Variants in DAG1 observed in about 807,000 individuals in gnomAD.
DAG1 encodes dystroglycan 1 (dystrophin-associated glycoprotein 1).
A neutral mutation model predicts 46.1 loss-of-function variants in DAG1; 8 were observed. The observed-to-expected ratio is 0.17, with a 90% CI of 0.10 to 0.31. The LOEUF is 0.31. Ranked by LOEUF, DAG1 falls within the 10% of genes least tolerant of loss-of-function variation. The pLI is 1.00. For synonymous variants in DAG1, 495 were observed against 481.8 expected, an observed-to-expected ratio of 1.03 and a Z score of -0.36; for missense variants, 1,003 against 1,189.9, an observed-to-expected ratio of 0.84 and a Z score of 2.31.
chr3:49,479,757 CA>C (rs2049814395), intron 1 of DAG1, among the ~76,000 whole-genome samples: 1 of 145,930 alleles, frequency 6.9e-6, no homozygotes, highest in African/African-American at 2.5e-5. Context: ...CCTGCCTCAG[CA>C]TCCTGAGTAG....
chr3:49,510,495 A>G lies in DAG1; in HGVS notation c.-40A>G, dbSNP rs1208638957. 2 of 1,603,836 alleles carry G rather than the reference A, an allele frequency of 1.2e-6. No homozygotes were observed. Among genetic ancestry groups the G allele is most frequent in the Non-Finnish European group, 1.7e-6 (2 of 1,175,150 alleles). Reference sequence around the variant, plus strand: ...CTGGGACCAAGTCACTTGCTTCCTTACTTAGCAAGACTATCGACTTGAGCA... The same window carrying G: ...CTGGGACCAAGTCACTTGCTTCCTTGCTTAGCAAGACTATCGACTTGAGCA... On this transcript the variant is annotated 5_prime_UTR_variant, in exon 2 of 3. Coordinates refer to ENST00000308775, the MANE Select transcript of DAG1 (RefSeq NM_004393.6).
intron 1 of DAG1, among the ~76,000 whole-genome samples, chr3:49,507,171 T>G (rs1188996740): frequency 1.3e-5 from 2 of 151,316 alleles, no homozygotes; most frequent in East Asian, 1.9e-4. Context: ...GCCAACTCCT[T>G]CTCCAAAAAA....
In DAG1 at chr3:49,483,414, A is replaced by G. The variant is rs567264133; in HGVS notation, c.-117+12981A>G. The stretch of plus-strand genomic sequence containing the variant: ...GAGATGGGGATTCTTCATGTTGGTC[A>G]GGCTGGTCTCAAACTGCGACCTCAG... On this transcript the variant is annotated intron_variant, in intron 1 of 2. Coordinates refer to ENST00000308775, the MANE Select transcript of DAG1 (RefSeq NM_004393.6). Among the ~76,000 whole-genome samples, 7 of 152,192 alleles carry G rather than the reference A, an allele frequency of 4.6e-5. No individual in the cohort carries two copies. The South Asian group carries it at 1.5e-3, about 32-fold the overall frequency.
At chr3:49,493,454 C>G (rs1451523400) in intron 1 of DAG1, among the ~76,000 whole-genome samples, 1 of 152,102 alleles carries the variant, frequency 6.6e-6, no homozygotes, top group Non-Finnish European at 1.5e-5. Context: ...GATCAAAGAT[C>G]ACAGAAAAGA....
chr3:49,469,302 G>C (rs2049448043), upstream of DAG1, among the ~76,000 whole-genome samples: 1 of 152,210 alleles, frequency 6.6e-6, no homozygotes, highest in Non-Finnish European at 1.5e-5. Flanking sequence ...GTGGGGATGA[G>C]AAGCAGAGCC....
chr3:49,489,932 G>C (rs568929766), intron 1 of DAG1, among the ~76,000 whole-genome samples: 40 of 152,190 alleles, frequency 2.6e-4, no homozygotes, highest in Admixed American at 1.0e-3. Context: ...GGGTTATATA[G>C]CTGTCACAGA....
chr3:49,527,152 G>A (rs931880647), intron 2 of DAG1, among the ~76,000 whole-genome samples: 43 of 150,908 alleles, frequency 2.8e-4, no homozygotes, highest in African/African-American at 1.0e-3. Flanking sequence ...AGCACTTTGG[G>A]AGGCCGAGGT....
At chr3:49,508,631 G>A (rs893162661) in intron 1 of DAG1, among the ~76,000 whole-genome samples, 4 of 151,454 alleles carry the variant, frequency 2.6e-5, no homozygotes, top group East Asian at 3.9e-4. Flanking sequence ...AACTCCTGAC[G>A]TCAGGTGATC....
intron 1 of DAG1, chr3:49,487,560 C>G (rs1356412448): frequency 6.6e-6 from 1 of 152,352 alleles, no homozygotes; most frequent in South Asian, 2.1e-4. Context: ...CTCACTACCC[C>G]TGAGCCCTGA....
intron 2 of DAG1, among the ~76,000 whole-genome samples, chr3:49,528,293 T>C (rs1184314541): frequency 1.5e-5 from 2 of 133,234 alleles, no homozygotes; most frequent in East Asian, 2.0e-4. Flanking sequence ...TTTTTTTTTT[T>C]TTTTTTTTTG....
chr3:49,526,840 G>A (rs1343308819), intron 2 of DAG1, among the ~76,000 whole-genome samples: 1 of 152,096 alleles, frequency 6.6e-6, no homozygotes, highest in Non-Finnish European at 1.5e-5. Context: ...ACTTGCTTTG[G>A]TGAAACCTGA....
rs1027568988 is a variant in DAG1, at chr3:49,505,551, T to C, written c.-116-4868T>C. On this transcript the variant is annotated intron_variant, in intron 1 of 2. Coordinates refer to ENST00000308775, the MANE Select transcript of DAG1 (RefSeq NM_004393.6). Reference sequence around the variant, plus strand: ...GTTCTGTGACCTTGTTGAACTCACTTATTATAGAACTGATATAGGACTATA... The same window carrying C: ...GTTCTGTGACCTTGTTGAACTCACTCATTATAGAACTGATATAGGACTATA... Among the ~76,000 whole-genome samples the C allele has an allele frequency of 2.6e-5, 4 of 152,240 alleles. No homozygotes were observed. The South Asian group carries it at 6.2e-4, about 24-fold the overall frequency.
At chr3:49,513,602 C>T (rs1390044734) in intron 2 of DAG1, among the ~76,000 whole-genome samples, 4 of 152,168 alleles carry the variant, frequency 2.6e-5, no homozygotes, top group African/African-American at 9.7e-5. Context: ...TTGTGTTCGC[C>T]TCCTTTTCCC....
intron 2 of DAG1, among the ~76,000 whole-genome samples, chr3:49,522,438 G>T (rs999804291): frequency 6.6e-6 from 1 of 151,076 alleles, no homozygotes; most frequent in Non-Finnish European, 1.5e-5. Flanking sequence ...TGCTGCGATT[G>T]CAGGCTTGAG....
At chr3:49,473,035 C>T (rs911689082) in intron 1 of DAG1, among the ~76,000 whole-genome samples, 6 of 142,596 alleles carry the variant, frequency 4.2e-5, no homozygotes, top group South Asian at 2.3e-4. Context: ...ACAGGAGAAT[C>T]GCTTGAACCC....
chr3:49,499,482 CAT>C (rs1491426747), intron 1 of DAG1, among the ~76,000 whole-genome samples: 1 of 152,158 alleles, frequency 6.6e-6, no homozygotes, highest in Non-Finnish European at 1.5e-5. Flanking sequence ...GATGAGGAAA[CAT>C]TAAGTTTATG....
At chr3:49,507,156 G>T (rs2050625828) in intron 1 of DAG1, among the ~76,000 whole-genome samples, 1 of 152,052 alleles carries the variant, frequency 6.6e-6, no homozygotes, top group African/African-American at 2.4e-5. Flanking sequence ...TTCAGGACCA[G>T]CCTGGCCAAC....
At chr3:49,481,930 G>C (rs1448641976) in intron 1 of DAG1, among the ~76,000 whole-genome samples, 1 of 152,028 alleles carries the variant, frequency 6.6e-6, no homozygotes, top group Non-Finnish European at 1.5e-5. Context: ...GAAAATATTT[G>C]GGAAAAAAGG....
chr3:49,503,258 C>G (rs1438729014), intron 1 of DAG1, among the ~76,000 whole-genome samples: 1 of 151,954 alleles, frequency 6.6e-6, no homozygotes, highest in African/African-American at 2.4e-5. Context: ...ACATTTTGGC[C>G]CATCTGATTG....
Sources: allele counts gnomAD v4.1 joint callset (sites outside exome capture counted in the v4.1 genomes callset), GRCh38; gene constraint gnomAD v4.1.1; transcripts MANE v1.5; gene names NCBI Gene and HGNC (gene_info 2026-07-23, HGNC 2026-07-21).